Variants in CLIC5 observed in about 807,000 individuals in gnomAD.
The protein encoded by CLIC5 is chloride intracellular channel protein 5.
CLIC5 carries 20 observed loss-of-function variants against 24.7 expected under a neutral mutation model. That is an observed-to-expected ratio of 0.81 (90% CI 0.57 to 1.18). CLIC5 has a LOEUF of 1.18. CLIC5 is among the 50% of genes most tolerant of loss of function. CLIC5 has a pLI of 0.00. For missense variants in CLIC5, 341 were observed against 326.1 expected, an observed-to-expected ratio of 1.05 and a Z score of -0.35; for synonymous variants, 159 against 135.6, an observed-to-expected ratio of 1.17 and a Z score of -1.20.
chr6:46,018,198 A>C (rs1228634708), upstream of CLIC5, among the ~76,000 whole-genome samples: 2 of 152,234 alleles, frequency 1.3e-5, no homozygotes, highest in Admixed American at 1.3e-4. Flanking sequence ...AAATAAAATT[A>C]TATGCATAAA....
intron 1 of CLIC5, among the ~76,000 whole-genome samples, chr6:45,977,420 C>G (rs867206468): frequency 3.2e-4 from 48 of 152,172 alleles, no homozygotes; most frequent in African/African-American, 1.1e-3. Flanking sequence ...AGATCTGGAG[C>G]CCAGCTACCT....
chr6:46,080,255 G>C (rs750000135), exon 1 of CLIC5: 1 of 1,545,676 alleles, frequency 6.5e-7, no homozygotes, highest in Non-Finnish European at 8.7e-7. Flanking sequence ...TTATTGATCC[G>C]AGAGATCTGT....
chr6:46,001,728 A>G (rs1050997794), intron 1 of CLIC5, among the ~76,000 whole-genome samples: 1 of 152,164 alleles, frequency 6.6e-6, no homozygotes, highest in African/African-American at 2.4e-5. Context: ...AGGGTTTTGG[A>G]GTTAGTCAGA....
chr6:45,895,471 T>G (rs543033530), downstream of CLIC5, among the ~76,000 whole-genome samples: 5 of 152,344 alleles, frequency 3.3e-5, no homozygotes, highest in African/African-American at 1.2e-4. Flanking sequence ...CATATTTAAC[T>G]AACACAGACA....
intron 6 of CLIC5, among the ~76,000 whole-genome samples, chr6:45,881,522 C>T (rs1762262815): frequency 1.3e-5 from 2 of 152,114 alleles, no homozygotes; most frequent in South Asian, 2.1e-4. Flanking sequence ...GGACAAAGCT[C>T]AGCTGGGTTC....
intron 1 of CLIC5, among the ~76,000 whole-genome samples, chr6:45,959,470 C>T (rs555893266): frequency 7.9e-5 from 12 of 152,256 alleles, no homozygotes; most frequent in Admixed American, 5.2e-4. Context: ...TAGTAGAAGT[C>T]GGCTTCCACA....
intron 1 of CLIC5, among the ~76,000 whole-genome samples, chr6:45,991,127 T>C (rs957194109): frequency 9.9e-5 from 15 of 152,218 alleles, no homozygotes; most frequent in African/African-American, 3.6e-4. Flanking sequence ...GTGAATGGGA[T>C]CTATGGCTTG....
At chr6:46,099,438 C>T in the CLIC5 span, among the ~76,000 whole-genome samples, 1 of 152,166 alleles carries the variant, frequency 6.6e-6, no homozygotes, top group South Asian at 2.1e-4. Flanking sequence ...GCAAGTGAAA[C>T]AGTAGACAGC....
intron 1 of CLIC5, among the ~76,000 whole-genome samples, chr6:45,993,114 T>C (rs942548194): frequency 1.4e-4 from 21 of 152,214 alleles, no homozygotes; most frequent in African/African-American, 5.1e-4. Context: ...AAAACTCCAG[T>C]TGGTCCTGAA....
intron 2 of CLIC5, among the ~76,000 whole-genome samples, chr6:45,951,823 C>T (rs4714891): frequency 2.0e-5 from 3 of 151,736 alleles, no homozygotes; most frequent in African/African-American, 7.3e-5. Context: ...AAATTCCTGG[C>T]GTAATCAGTT....
At chr6:45,910,100 A>G (rs1349933391) in intron 5 of CLIC5, among the ~76,000 whole-genome samples, 1 of 152,132 alleles carries the variant, frequency 6.6e-6, no homozygotes, top group African/African-American at 2.4e-5. Context: ...CTGAGCTATA[A>G]TCTATTCTGA....
intron 1 of CLIC5, among the ~76,000 whole-genome samples, chr6:46,015,264 A>G (rs1487555840): frequency 6.6e-6 from 1 of 151,696 alleles, no homozygotes; most frequent in Non-Finnish European, 1.5e-5. Context: ...CTGCGGATCA[A>G]CTCTCCGAGA....
the CLIC5 span, among the ~76,000 whole-genome samples, chr6:46,127,622 T>G: frequency 2.0e-5 from 3 of 152,230 alleles, no homozygotes. Context: ...ATTAAAGTTC[T>G]ACAATGAAAC....
downstream of CLIC5, among the ~76,000 whole-genome samples, chr6:45,896,409 G>A (rs1313488436): frequency 6.6e-6 from 1 of 151,858 alleles, no homozygotes; most frequent in Non-Finnish European, 1.5e-5. Flanking sequence ...AACTCCCTTC[G>A]GGAAACTGAG....
the CLIC5 span, among the ~76,000 whole-genome samples, chr6:46,122,344 A>C: frequency 3.3e-4 from 50 of 152,206 alleles, no homozygotes; most frequent in Non-Finnish European, 6.6e-4. Context: ...GGTACATAAC[A>C]AAATGAAGAC....
upstream of CLIC5, among the ~76,000 whole-genome samples, chr6:46,018,129 C>G (rs2127448119): frequency 6.6e-6 from 1 of 152,340 alleles, no homozygotes; most frequent in South Asian, 2.1e-4. Context: ...GATGCACAGA[C>G]TCAGAACATC....
chr6:45,987,686 A>ATGG (rs2127420271), intron 1 of CLIC5, among the ~76,000 whole-genome samples: 1 of 152,288 alleles, frequency 6.6e-6, no homozygotes, highest in Admixed American at 6.5e-5. Flanking sequence ...TGGTGTGCAG[A>ATGG]TGGCTGCCTT....
the CLIC5 span, among the ~76,000 whole-genome samples, chr6:46,085,735 G>A: frequency 1.4e-4 from 21 of 152,324 alleles, no homozygotes; most frequent in South Asian, 8.3e-4. Context: ...CAGTCTGCCC[G>A]TTCTCAGATC....
chr6:45,897,352 C>G (rs575062823), downstream of CLIC5, among the ~76,000 whole-genome samples: 1 of 152,244 alleles, frequency 6.6e-6, no homozygotes, highest in South Asian at 2.1e-4. Flanking sequence ...TGGCCCAGAC[C>G]ATTTGTGCTT....
Sources: gnomAD v4.1 joint callset for allele counts (sites outside exome capture counted in the v4.1 genomes callset) on GRCh38, gnomAD v4.1.1 for gene constraint, MANE v1.5 for transcripts, NCBI Gene and HGNC (gene_info 2026-07-23, HGNC 2026-07-21) for gene names.